MTFR1: variants seen among roughly 807,000 people sequenced by gnomAD.
MTFR1 encodes mitochondrial fission regulator 1, also known as chondrocyte protein with a poly-proline region.
MTFR1 carries 28 observed loss-of-function variants against 38.8 expected under a neutral mutation model. That is an observed-to-expected ratio of 0.72 (90% confidence interval 0.53 to 0.99). The LOEUF is 0.99. Among genes scored for constraint, MTFR1 ranks in the 50% least tolerant of loss-of-function variants. The probability of loss-of-function intolerance (pLI) is 0.00; values close to 1 mark genes in which losing one functional copy is unlikely to be tolerated. For synonymous variants in MTFR1, 145 were observed against 137.0 expected, an observed-to-expected ratio of 1.06 and a Z score of -0.41; for missense variants, 358 against 395.5, an observed-to-expected ratio of 0.91 and a Z score of 0.81.
At chr8:65,681,159 G>A (rs1052123280) in intron 2 of MTFR1, among the ~76,000 whole-genome samples, 1 of 151,798 alleles carries the variant, frequency 6.6e-6, no homozygotes, top group Non-Finnish European at 1.5e-5. Context: ...TGATCCACCC[G>A]CCTCGGCCTC....
intron 2 of MTFR1, among the ~76,000 whole-genome samples, chr8:65,716,278 T>C (rs1173230811): frequency 6.6e-6 from 1 of 152,068 alleles, no homozygotes; most frequent in Non-Finnish European, 1.5e-5. Context: ...CCTGAGAATG[T>C]GGAAATAGGA....
intron 2 of MTFR1, among the ~76,000 whole-genome samples, chr8:65,716,162 A>AAC (rs1211323246): frequency 6.6e-6 from 1 of 151,422 alleles, no homozygotes; most frequent in Admixed American, 6.6e-5. Context: ...AAAAAAAAAA[A>AAC]ACAAAAGGGC....
At chr8:65,730,171 C>CTTCTCTTTTTTTTTTTTTTTTT (rs1295965698) in intron 3 of MTFR1, among the ~76,000 whole-genome samples, 1 of 86,434 alleles carries the variant, frequency 1.2e-5, no homozygotes, top group African/African-American at 4.8e-5. Flanking sequence ...TTGCGCACTT[C>CTTCTCTTTTTTTTTTTTTTTTT]TTTTTTTTTT....
intron 3 of MTFR1, among the ~76,000 whole-genome samples, chr8:65,758,606 T>C (rs1271484793): frequency 6.6e-6 from 1 of 152,220 alleles, no homozygotes; most frequent in Non-Finnish European, 1.5e-5. Context: ...CTTTGTGCTT[T>C]CATCTCCCTC....
chr8:65,771,884 CAAAAAA>C (rs36101490), downstream of MTFR1, among the ~76,000 whole-genome samples: 1 of 55,836 alleles, frequency 1.8e-5, no homozygotes, highest in Non-Finnish European at 3.7e-5. Context: ...CTCCATCTCT[CAAAAAA>C]AAAAAAAAAA....
At chr8:65,694,068 A>G (rs1002148111) in intron 4 of MTFR1, among the ~76,000 whole-genome samples, 1 of 142,312 alleles carries the variant, frequency 7.0e-6, no homozygotes, top group Admixed American at 7.1e-5. Context: ...AACCCTGGCT[A>G]ATTCTTTTTT....
downstream of MTFR1, among the ~76,000 whole-genome samples, chr8:65,772,787 T>A (rs1809145208): frequency 6.6e-6 from 1 of 152,128 alleles, no homozygotes; most frequent in Admixed American, 6.5e-5. Flanking sequence ...GCAGATCACT[T>A]GAGGTCAGGA....
chr8:65,658,121 A>G (rs776116695), intron 1 of MTFR1, among the ~76,000 whole-genome samples: 1 of 152,162 alleles, frequency 6.6e-6, no homozygotes, highest in Non-Finnish European at 1.5e-5. Flanking sequence ...CAACTCTAAA[A>G]TGAGTCATTC....
chr8:65,682,845 C>T (rs1041231343), intron 3 of MTFR1: 38 of 984,982 alleles, frequency 3.9e-5, no homozygotes, highest in African/African-American at 1.7e-5. Flanking sequence ...ATTTTTAGAT[C>T]TCTGTGGATG....
At chr8:65,768,873 C>T (rs2128919209) in intron 3 of MTFR1, among the ~76,000 whole-genome samples, 1 of 152,176 alleles carries the variant, frequency 6.6e-6, no homozygotes, top group Middle Eastern at 3.4e-3. Flanking sequence ...ACAAAAAGGT[C>T]AAGAATGCAT....
chr8:65,663,103 G>A (rs1804242229), intron 1 of MTFR1, among the ~76,000 whole-genome samples: 3 of 152,334 alleles, frequency 2.0e-5, no homozygotes, highest in Middle Eastern at 3.4e-3. Context: ...GGAAAGGTGG[G>A]GAAAAGATTG....
At chr8:65,739,251 T>C (rs1220034560) in intron 3 of MTFR1, among the ~76,000 whole-genome samples, 1 of 152,238 alleles carries the variant, frequency 6.6e-6, no homozygotes, top group Admixed American at 6.5e-5. Context: ...AGCTGAGGTC[T>C]CTACAAAACC....
intron 3 of MTFR1, among the ~76,000 whole-genome samples, chr8:65,691,353 TC>T (rs1217842296): frequency 6.6e-6 from 1 of 152,200 alleles, no homozygotes. Context: ...GGTGGTGCGA[TC>T]ATGCCTCACT....
chr8:65,719,705 T>C (rs1806293776), intron 3 of MTFR1: 5 of 563,398 alleles, frequency 8.9e-6, no homozygotes, highest in African/African-American at 3.7e-5. Context: ...CAATGGAAAT[T>C]TGAGTAAAAG....
intron 3 of MTFR1, among the ~76,000 whole-genome samples, chr8:65,754,738 G>A (rs1366747000): frequency 1.1e-4 from 16 of 150,444 alleles, no homozygotes; most frequent in Admixed American, 2.6e-4. Flanking sequence ...AGGCTGAGGC[G>A]AGTGGATCAC....
intron 3 of MTFR1, among the ~76,000 whole-genome samples, chr8:65,684,222 GA>G (rs1395125877): frequency 6.6e-6 from 1 of 152,018 alleles, no homozygotes; most frequent in Non-Finnish European, 1.5e-5. Flanking sequence ...GGTATGAGCA[GA>G]AAAAGAGTAT....
chr8:65,666,264 G>GAT (rs1804379399), intron 1 of MTFR1, among the ~76,000 whole-genome samples: 1 of 151,218 alleles, frequency 6.6e-6, no homozygotes, highest in African/African-American at 2.4e-5. Flanking sequence ...ATAATTAGCT[G>GAT]GGTGTGGTGG....
chr8:65,740,920 T>A (rs1162218616), intron 3 of MTFR1, among the ~76,000 whole-genome samples: 1 of 152,016 alleles, frequency 6.6e-6, no homozygotes, highest in South Asian at 2.1e-4. Context: ...ACCTGCTCCA[T>A]CCCCCTACAG....
intron 3 of MTFR1, chr8:65,723,336 T>G (rs1806468770): frequency 2.7e-6 from 1 of 369,390 alleles, no homozygotes; most frequent in South Asian, 1.1e-4. Context: ...TGCTGCCTGT[T>G]CTGCAAAAAT....
Sources: gnomAD v4.1 joint callset for allele counts (sites outside exome capture counted in the v4.1 genomes callset) on GRCh38, gnomAD v4.1.1 for gene constraint, MANE v1.5 for transcripts, NCBI Gene and HGNC (gene_info 2026-07-23, HGNC 2026-07-21) for gene names.